The following ZNF626 variants were observed in gnomAD, a reference collection of about 807,000 sequenced individuals.
The protein encoded by ZNF626 is zinc finger protein 626.
ZNF626 carries 4 observed loss-of-function variants against 11.7 expected under a neutral mutation model. The ratio of observed to expected loss-of-function variants is 0.34; its 90% CI spans 0.17 to 0.78. ZNF626 has a LOEUF of 0.78. Among genes scored for constraint, ZNF626 ranks in the 30% least tolerant of loss-of-function variants. The pLI is 0.57. For missense variants in ZNF626, 588 were observed against 587.1 expected (o/e 1.00, Z -0.01); for synonymous variants, 179 against 198.6 (o/e 0.90, Z 0.83).
chr19:20,645,012 T>G (rs1970059862), intron 3 of ZNF626: 1 of 156,678 alleles, frequency 6.4e-6, no homozygotes, highest in Non-Finnish European at 1.4e-5. Context: ...ATTATTGAAG[T>G]GCCATATTAT....
Position 20,625,403 on chromosome 19 carries a change from T to C in ZNF626, c.474A>G (p.Pro158=). Residue 158 remains proline (P), a synonymous_variant, in exon 4 of 4, where the codon CCA becomes CCG. Transcript: ENST00000601440. ...GTCCTCTCTTTTGTCCGTTTGAATT[T>C]GGAAATTGATGAAGGACTTTCACAT... The part of the protein sequence containing the change: ...DKYVKVLHQF[P]NSNGQKRGHT... 6.2e-7 allele frequency: 1 copy of C among 1,614,136 alleles called. No individual in the cohort carries two copies. Among genetic ancestry groups the C allele is most frequent in the Non-Finnish European group, 8.5e-7 (1 of 1,180,018 alleles).
At chr19:20,626,206 G>A (rs1555769673) in intron 3 of ZNF626, among the ~76,000 whole-genome samples, 3 of 152,076 alleles carry the variant, frequency 2.0e-5, no homozygotes, top group African/African-American at 7.2e-5. Context: ...AGGTTACAGT[G>A]AGCTGAGATT....
rs1315547311 is a variant in ZNF626 at position 20,625,440 on chromosome 19, T to C, written c.437A>G (p.Gln146Arg). ...AAGGACTTTCACATATTTATCACATTGACATATTTTTCTTGGGGTAGTTGT... is the reference window on the plus strand; with the variant it reads ...AAGGACTTTCACATATTTATCACATCGACATATTTTTCTTGGGGTAGTTGT... ...CLTTTPRKIC[Q>R]CDKYVKVLHQ... is the part of the protein sequence containing the mutation. The change falls in exon 4 of 4, where the codon CAA (glutamine) becomes CGA (arginine). Residue 146 changes from glutamine (Q) to arginine (R), a missense_variant. Gln to Arg is a conservative substitution (Grantham distance 43). Transcript: ENST00000601440. 6.2e-7 allele frequency: 1 copy of C among 1,614,014 alleles called. No individual in the cohort carries two copies. Among genetic ancestry groups the C allele is most frequent in the Non-Finnish European group, 8.5e-7 (1 of 1,180,020 alleles).
Position 20,621,142 on chromosome 19 carries a change from T to C in ZNF626, c.*3148A>G, listed in dbSNP as rs8105978. 0.069 allele frequency: 10,351 copies of C among 150,754 alleles called. 973 individuals are homozygous for C. Among genetic ancestry groups the C allele is most frequent in the African/African-American group, 0.22 (8,995 of 40,866 alleles). 9.3% of individuals were successfully genotyped at this position (150,754 alleles called of 1,614,324 possible). ...GCCACTGTCCTGGCTTTTTTCTTTC[T>C]TTTTGAGATGGAGTGTCCGTCTGTC... is the stretch of plus-strand genomic sequence containing the variant. On this transcript the variant is annotated 3_prime_UTR_variant, in exon 4 of 4. Transcript: ENST00000601440.
chr19:20,657,161 G>A (rs1417430386), intron 1 of ZNF626, among the ~76,000 whole-genome samples: 2 of 152,050 alleles, frequency 1.3e-5, no homozygotes, highest in African/African-American at 4.8e-5. Flanking sequence ...CCTGAGCTTA[G>A]AAGTTTGAGA....
At chr19:20,655,843 G>A (rs991969514) in intron 1 of ZNF626, among the ~76,000 whole-genome samples, 8 of 152,020 alleles carry the variant, frequency 5.3e-5, no homozygotes, top group Admixed American at 3.9e-4. Context: ...GCTGAGGCAG[G>A]AGATTGGCGT....
At chr19:20,656,960 A>C (rs1256889822) in intron 1 of ZNF626, among the ~76,000 whole-genome samples, 1 of 152,230 alleles carries the variant, frequency 6.6e-6, no homozygotes, top group Admixed American at 6.5e-5. Context: ...TAGCCAAAGA[A>C]ATATAAATTA....
chr19:20,625,236 C>T lies in ZNF626; in HGVS notation c.641G>A (p.Cys214Tyr). 1.9e-6 allele frequency: 3 copies of T among 1,602,346 alleles called. No homozygotes were observed. Among genetic ancestry groups the T allele is most frequent in the Non-Finnish European group, 2.6e-6 (3 of 1,175,698 alleles). ...AATTTTCTTATGTCTAGTAAGGCTA[C>T]AAGAGTGGTTAAAGGCTTTGCCACA... ...EECGKAFNHSCSLTRHKKIHT... is the reference protein window; with the variant it reads ...EECGKAFNHSYSLTRHKKIHT... Residue 214 changes from cysteine (C) to tyrosine (Y), a missense_variant, in exon 4 of 4, where the codon TGT becomes TAT. By Grantham distance (194) the Cys-to-Tyr change is radical (BLOSUM62 -2). Around this residue, in one of 4 missense-constraint regions of ZNF626, gnomAD observed 524 missense variants for 470.1 expected, o/e 1.11. Transcript: ENST00000601440.
At chr19:20,653,450 T>C (rs1423660616) in intron 1 of ZNF626, among the ~76,000 whole-genome samples, 3 of 152,204 alleles carry the variant, frequency 2.0e-5, no homozygotes, top group Admixed American at 1.3e-4. Flanking sequence ...CACCTGGAGA[T>C]TGAAGAGGAC....
At chr19:20,640,905 G>A (rs781865108) in intron 3 of ZNF626, among the ~76,000 whole-genome samples, 9 of 152,054 alleles carry the variant, frequency 5.9e-5, no homozygotes, top group Non-Finnish European at 5.9e-5. Flanking sequence ...CTAGCAATTT[G>A]GGAGGCCAAG....
intron 3 of ZNF626, among the ~76,000 whole-genome samples, chr19:20,635,993 G>A (rs1404075254): frequency 2.0e-5 from 3 of 152,152 alleles, no homozygotes; most frequent in Non-Finnish European, 2.9e-5. Context: ...TTAGCCGGGT[G>A]TGGTGGCACA....
At chr19:20,658,659 T>C (rs1033357013) in intron 1 of ZNF626, among the ~76,000 whole-genome samples, 7 of 152,166 alleles carry the variant, frequency 4.6e-5, no homozygotes, top group African/African-American at 7.2e-5. Context: ...GCCCCAGTGA[T>C]ATCTTTTTTC....
At chr19:20,639,629 C>T (rs1555771229) in intron 3 of ZNF626, among the ~76,000 whole-genome samples, 1 of 152,130 alleles carries the variant, frequency 6.6e-6, no homozygotes, top group Non-Finnish European at 1.5e-5. Context: ...CCTAGCTACT[C>T]AGAAAACTGA....
rs369151047 is a variant in ZNF626 at position 20,643,642 on chromosome 19, T to TTCATA, written c.226+2037_226+2041dup. The stretch of plus-strand genomic sequence containing the variant: ...ATGAAAATAATAAAAGTGCTCTATT[T>TTCATA]TCATATCCCCTTATAGCAAAAAAAG... On this transcript the variant is annotated intron_variant, in intron 3 of 3. Coordinates refer to ENST00000601440, the MANE Select transcript of ZNF626 (RefSeq NM_001076675.3). 2.0e-3 allele frequency among the ~76,000 whole-genome samples: 298 copies of TTCATA among 152,244 alleles called. 1 individual carries two copies. The highest frequency in any genetic ancestry group is 6.9e-3 in the African/African-American group (286 of 41,572).
intron 1 of ZNF626, among the ~76,000 whole-genome samples, chr19:20,647,974 T>C (rs1212397712): frequency 1.3e-5 from 2 of 151,168 alleles, no homozygotes; most frequent in East Asian, 3.9e-4. Flanking sequence ...AGGTCAGGAG[T>C]TCGAGACCAG....
intron 1 of ZNF626, among the ~76,000 whole-genome samples, chr19:20,652,894 TAC>T (rs1970162737): frequency 1.3e-5 from 2 of 152,140 alleles, no homozygotes; most frequent in African/African-American, 4.8e-5. Context: ...GTCTACTCAC[TAC>T]ACACGTTACT....
intron 1 of ZNF626, among the ~76,000 whole-genome samples, chr19:20,659,115 C>T (rs1247526229): frequency 1.3e-5 from 2 of 152,094 alleles, no homozygotes; most frequent in East Asian, 1.9e-4. Context: ...CGGAAAGAAA[C>T]GCCTTTCTCA....
intron 3 of ZNF626, among the ~76,000 whole-genome samples, chr19:20,632,598 C>T (rs1969918885): frequency 6.6e-6 from 1 of 152,202 alleles, no homozygotes; most frequent in South Asian, 2.1e-4. Context: ...GAGGCTTCTG[C>T]ATTCGTCACA....
At chr19:20,642,015 T>C (rs1437400617) in intron 3 of ZNF626, among the ~76,000 whole-genome samples, 1 of 152,056 alleles carries the variant, frequency 6.6e-6, no homozygotes, top group Non-Finnish European at 1.5e-5. Flanking sequence ...AAAGGAAATA[T>C]ATATTCATCA....
Sources: gnomAD v4.1 joint callset for allele counts (sites outside exome capture counted in the v4.1 genomes callset) on GRCh38, gnomAD v4.1.1 for gene constraint, gnomAD v4.1.1 regional missense constraint, MANE v1.5 for transcripts, NCBI Gene and HGNC (gene_info 2026-07-23, HGNC 2026-07-21) for gene names.